RIC1: variants seen among roughly 807,000 people sequenced by gnomAD.
The protein encoded by RIC1 is RIC1 partner of RAB6A GEF complex, also known as guanine nucleotide exchange factor subunit RIC1.
RIC1 carries 88 observed loss-of-function variants against 169.0 expected under a neutral mutation model. The ratio of observed to expected loss-of-function variants is 0.52; its 90% CI spans 0.44 to 0.62. The LOEUF is 0.62. Ranked by LOEUF, RIC1 falls within the 20% of genes least tolerant of loss-of-function variation. The pLI, the probability that RIC1 is intolerant of heterozygous loss-of-function variation, is 0.00. For missense variants in RIC1, 1,877 were observed against 1,725.5 expected, an observed-to-expected ratio of 1.09 and a Z score of -1.56; for synonymous variants, 790 against 601.5, an observed-to-expected ratio of 1.31 and a Z score of -4.59.
Position 5,629,352 on chromosome 9 carries a change from C to T in RIC1, c.43C>T (p.Leu15=), listed in dbSNP as rs1563853445. ...CTGGCCCAAGAGGCTGCTGTGCCCT[C>T]TGGGGAGCCCGGCCGAGGCGCCTTT... ...SGWPKRLLCP[L]GSPAEAPFHV... Residue 15 remains leucine (L), a synonymous_variant, in exon 1 of 26, where the codon CTG becomes TTG. Transcript: ENST00000414202. 3.9e-6 allele frequency: 6 copies of T among 1,534,350 alleles called. No individual in the cohort carries two copies. The highest frequency in any genetic ancestry group is 3.6e-5 in the South Asian group (3 of 83,746).
Position 5,691,001 on chromosome 9 carries a change from T to C in RIC1, c.332+963T>C, listed in dbSNP as rs187648332. On this transcript the variant is annotated intron_variant, in intron 3 of 25. Transcript: ENST00000414202. ...ATTAAATATAACCATTTTTATTTTT[T>C]AATAATTAAAGAATTATTACTGCTC... is the stretch of plus-strand genomic sequence containing the variant. 4.6e-3 allele frequency among the ~76,000 whole-genome samples: 694 copies of C among 152,078 alleles called. 19 individuals carry two copies. The highest frequency in any genetic ancestry group is 0.043 in the Admixed American group (661 of 15,282).
At chr9:5,697,321 A>G (rs1198501647) in intron 3 of RIC1, among the ~76,000 whole-genome samples, 1 of 152,170 alleles carries the variant, frequency 6.6e-6, no homozygotes, top group Admixed American at 6.5e-5. Flanking sequence ...TTCTGCCAGA[A>G]AACCTGTTTG....
chr9:5,662,411 A>C (rs1453837921), intron 2 of RIC1, among the ~76,000 whole-genome samples: 1 of 151,656 alleles, frequency 6.6e-6, no homozygotes, highest in Non-Finnish European at 1.5e-5. Flanking sequence ...AAATAATACC[A>C]GCTCTTCTTT....
chr9:5,772,832 C>G (rs1316086703), intron 24 of RIC1, 60 bp from the exon 25 acceptor site: 1 of 1,558,990 alleles, frequency 6.4e-7, no homozygotes, highest in African/African-American at 1.4e-5. Context: ...AATCATTGCA[C>G]TTCTGTACAT....
rs2131100167 is a variant in RIC1 at position 5,763,775 on chromosome 9, T to C, written c.2748T>C (p.Leu916=). 2 of 1,614,186 alleles carry C rather than the reference T, an allele frequency of 1.2e-6. No homozygotes were observed. The highest frequency in any genetic ancestry group is 1.3e-5 in the African/African-American group (1 of 75,056). Residue 916 remains leucine (L), a synonymous_variant, in exon 19 of 26, where the codon CTT becomes CTC. Transcript: ENST00000414202. The surrounding 1 kb of genome is among the most constrained non-coding windows in gnomAD (Gnocchi z 5.2). ...RKTEYALWNY[L]FAAVGNPKDL... ...CCGAATATGCCCTGTGGAATTACCTTTTTGCAGCTGTTGGAAACCCTAAGG... is the reference window on the plus strand; with the variant it reads ...CCGAATATGCCCTGTGGAATTACCTCTTTGCAGCTGTTGGAAACCCTAAGG...
chr9:5,655,974 A>G (rs1050880665), intron 1 of RIC1, among the ~76,000 whole-genome samples: 2 of 151,950 alleles, frequency 1.3e-5, no homozygotes, highest in South Asian at 4.1e-4. Context: ...GGTTCACGCT[A>G]TTCTCCTGCC....
chr9:5,682,424 G>C lies in RIC1; in HGVS notation c.253-7535G>C, dbSNP rs933941246. 3.3e-5 allele frequency among the ~76,000 whole-genome samples: 5 copies of C among 152,246 alleles called. No individual in the cohort carries two copies. In the East Asian group the frequency reaches 9.6e-4, roughly 29 times the overall value. ...ATTTCTCTTTCACTTATGAAGCTTA[G>C]TTTGGCTGGATATGAAATTCTGGGT... On this transcript the variant is annotated intron_variant, in intron 2 of 25. Transcript: ENST00000414202.
chr9:5,741,103 T>G (rs1825058537), intron 8 of RIC1, among the ~76,000 whole-genome samples: 1 of 152,202 alleles, frequency 6.6e-6, no homozygotes, highest in Non-Finnish European at 1.5e-5. Flanking sequence ...TAGTTTAACT[T>G]GGTGTGCTGT....
Position 5,641,982 on chromosome 9 carries a change from G to GTAGA in RIC1, c.144+12531_144+12534dup, listed in dbSNP as rs1818276002. 4.9e-5 allele frequency among the ~76,000 whole-genome samples: 7 copies of GTAGA among 144,058 alleles called. No homozygotes were observed. In the South Asian group the frequency reaches 1.5e-3, roughly 31 times the overall value. The allele number at this position is 144,058 out of a possible 152,430, so 94.5% of individuals were successfully genotyped here. A position where few individuals can be genotyped will look rare whatever the true frequency, so the allele number is the denominator to read the frequency against. ...CCTGGATGATCTTGATTTGATGCTT[G>GTAGA]TAGATGTTCATTGGTGTGTAGGCAT... On this transcript the variant is annotated intron_variant, in intron 1 of 25. Coordinates refer to ENST00000414202, the MANE Select transcript of RIC1 (RefSeq NM_020829.4).
At chr9:5,752,634 C>G (rs1441085876) in intron 12 of RIC1, among the ~76,000 whole-genome samples, 1 of 152,042 alleles carries the variant, frequency 6.6e-6, no homozygotes, top group Non-Finnish European at 1.5e-5. Context: ...CGAGATTTCG[C>G]CATGTTGGTC....
In RIC1 at chr9:5,756,473, C is replaced by T. The variant is rs892942707; in HGVS notation, c.1853+101C>T. On this transcript the variant is annotated intron_variant, in intron 16 of 25. Transcript: ENST00000414202. ...AAAACAGTTATTCCACTTTTATATT[C>T]AATCTTGTTTTTGTTAGAGGTAAAA... The T allele has an allele frequency of 3.9e-6, 3 of 767,214 alleles. No individual in the cohort carries two copies. The African/African-American group carries it at 5.4e-5, about 14-fold the overall frequency. The allele number at this position is 767,214 out of a possible 1,614,324, so 47.5% of individuals were successfully genotyped here.
At chr9:5,744,048 A>T (rs1825239229) in intron 10 of RIC1, among the ~76,000 whole-genome samples, 1 of 151,526 alleles carries the variant, frequency 6.6e-6, no homozygotes. Context: ...TGATCTGATA[A>T]AATCACAAAA....
intron 15 of RIC1, 59 bp downstream of exon 15, chr9:5,754,989 TTAA>T: frequency 9.6e-7 from 1 of 1,037,138 alleles, no homozygotes; most frequent in Non-Finnish European, 1.4e-6. Flanking sequence ...TAAGCATGAA[TTAA>T]TTTTATATAG....
Position 5,762,620 on chromosome 9 carries a change from T to C in RIC1, c.2072T>C (p.Ile691Thr). 2 of 1,613,928 alleles carry C rather than the reference T, an allele frequency of 1.2e-6. No homozygotes were observed. Among genetic ancestry groups the C allele is most frequent in the Non-Finnish European group, 1.7e-6 (2 of 1,179,938 alleles). The change falls in exon 18 of 26, where the codon ATC becomes ACC. Residue 691 changes from isoleucine to threonine, a missense_variant. Around this residue, in one of 3 missense-constraint regions of RIC1, gnomAD observed 1,104 missense variants for 992.0 expected, o/e 1.11. Coordinates refer to ENST00000414202, the MANE Select transcript of RIC1 (RefSeq NM_020829.4). Reference sequence around the variant, plus strand: ...CAGAGGGACAGGTCAGGCCCACAGATCCGGGAGAAGGACAGTAACCCTAAT... The same window carrying C: ...CAGAGGGACAGGTCAGGCCCACAGACCCGGGAGAAGGACAGTAACCCTAAT... ...MMQRDRSGPQ[I>T]REKDSNPNNQ...
At position 5,770,200 on chromosome 9, in the gene RIC1, A is replaced by C; in HGVS notation, c.3538A>C (p.Thr1180Pro). The C allele has an allele frequency of 1.9e-6, 3 of 1,614,026 alleles. No individual in the cohort carries two copies. The highest frequency in any genetic ancestry group is 2.5e-6 in the Non-Finnish European group (3 of 1,179,928). The stretch of plus-strand genomic sequence containing the variant: ...GAGCTGGCTCAGCAACATTGGCCCC[A>C]CCCATCATGAGATAGACACAGCTTC... ...SQSWLSNIGP[T>P]HHEIDTASSH... The change falls in exon 23 of 26, where the codon ACC becomes CCC. Residue 1180 changes from threonine to proline, a missense_variant. By Grantham distance (38) the Thr-to-Pro change is conservative (BLOSUM62 -1). Transcript: ENST00000414202.
chr9:5,726,644 A>G (rs1563929969), intron 6 of RIC1, among the ~76,000 whole-genome samples: 1 of 152,170 alleles, frequency 6.6e-6, no homozygotes, highest in Non-Finnish European at 1.5e-5. Flanking sequence ...GTTTCTTCCT[A>G]GCATCGATGG....
chr9:5,696,371 T>C (rs1180076572), intron 3 of RIC1, among the ~76,000 whole-genome samples: 2 of 152,164 alleles, frequency 1.3e-5, no homozygotes, highest in Non-Finnish European at 2.9e-5. Flanking sequence ...CCTCTATTCC[T>C]TTGTTATTTG....
chr9:5,758,509 C>A (rs1160763785), intron 17 of RIC1, among the ~76,000 whole-genome samples: 3 of 152,144 alleles, frequency 2.0e-5, no homozygotes, highest in African/African-American at 7.2e-5. Context: ...TACCTTCTAT[C>A]CCAGTTCTCT....
Position 5,629,208 on chromosome 9 carries a change from C to A in RIC1, c.-102C>A. Reference sequence around the variant, plus strand: ...AGATGCCCCGAGCTGCCGCCGCCGCCGCCGCCGACTCGGCCGGTGGCGGTG... The same window carrying A: ...AGATGCCCCGAGCTGCCGCCGCCGCAGCCGCCGACTCGGCCGGTGGCGGTG... On this transcript the variant is annotated 5_prime_UTR_variant, in exon 1 of 26. Coordinates refer to ENST00000414202, the MANE Select transcript of RIC1 (RefSeq NM_020829.4). The A allele has an allele frequency of 8.3e-7, 1 of 1,208,542 alleles. No homozygotes were observed. The highest frequency in any genetic ancestry group is 1.0e-6 in the Non-Finnish European group (1 of 952,878). The allele number at this position is 1,208,542 out of a possible 1,614,324, so 74.9% of individuals were successfully genotyped here.
Sources: allele counts gnomAD v4.1 joint callset (sites outside exome capture counted in the v4.1 genomes callset), GRCh38; gene constraint gnomAD v4.1.1; regional missense constraint gnomAD v4.1.1; non-coding constraint Gnocchi (gnomAD v3.1); transcripts MANE v1.5; gene names NCBI Gene and HGNC (gene_info 2026-07-23, HGNC 2026-07-21).